GPC6: variants seen among roughly 807,000 people sequenced by gnomAD.
GPC6 encodes the protein glypican 6.
A neutral mutation model predicts 55.2 loss-of-function variants in GPC6; 14 were observed. The observed-to-expected ratio is 0.25, with a 90% CI of 0.17 to 0.40. The LOEUF is 0.40. Among genes scored for constraint, GPC6 ranks in the 10% least tolerant of loss-of-function variants. The pLI is 1.00. For synonymous variants in GPC6, 278 were observed against 259.6 expected, an observed-to-expected ratio of 1.07 and a Z score of -0.68; for missense variants, 641 against 708.5, an observed-to-expected ratio of 0.90 and a Z score of 1.08.
Position 94,403,318 on chromosome 13 carries a change from T to A in GPC6, c.*101T>A, listed in dbSNP as rs779326741. 6 of 854,168 alleles carry A rather than the reference T, an allele frequency of 7.0e-6. No individual in the cohort carries two copies. Among genetic ancestry groups the A allele is most frequent in the Non-Finnish European group, 1.2e-5 (6 of 521,272 alleles). 52.9% of individuals were successfully genotyped at this position (854,168 alleles called of 1,614,324 possible). On this transcript the variant is annotated 3_prime_UTR_variant, in exon 9 of 9. Coordinates refer to ENST00000377047, the MANE Select transcript of GPC6 (RefSeq NM_005708.5). ...GACAATGGACCATGCCACAAAAACT[T>A]ACCGTTTTCTATGAGAAGAGAGCAG...
chr13:93,447,307 A>G (rs1878043470), intron 1 of GPC6, among the ~76,000 whole-genome samples: 1 of 152,228 alleles, frequency 6.6e-6, no homozygotes, highest in African/African-American at 2.4e-5. Context: ...ACCAAATTAA[A>G]GCAAAAACAT....
intron 1 of GPC6, among the ~76,000 whole-genome samples, chr13:93,386,271 G>A (rs1875399340): frequency 6.6e-6 from 1 of 152,136 alleles, no homozygotes; most frequent in Non-Finnish European, 1.5e-5. Context: ...TTACTGCAGA[G>A]GCAGTGCTGT....
intron 3 of GPC6, among the ~76,000 whole-genome samples, chr13:93,905,060 T>G (rs1174209009): frequency 1.4e-5 from 2 of 145,050 alleles, no homozygotes; most frequent in Non-Finnish European, 3.0e-5. Flanking sequence ...TTATGTTAGC[T>G]TTTCTAAGCA....
intron 2 of GPC6, among the ~76,000 whole-genome samples, chr13:93,621,554 C>T (rs966187344): frequency 6.6e-6 from 1 of 152,098 alleles, no homozygotes; most frequent in African/African-American, 2.4e-5. Flanking sequence ...GACGGGGAAT[C>T]TGGATTACTA....
chr13:93,859,199 A>G (rs1888727515), intron 3 of GPC6, among the ~76,000 whole-genome samples: 1 of 151,652 alleles, frequency 6.6e-6, no homozygotes, highest in Non-Finnish European at 1.5e-5. Context: ...CTTAAACAGT[A>G]TCTATCTTTT....
At chr13:93,417,654 A>G (rs539289754) in intron 1 of GPC6, among the ~76,000 whole-genome samples, 1 of 152,242 alleles carries the variant, frequency 6.6e-6, no homozygotes, top group Non-Finnish European at 1.5e-5. Context: ...AAACAAAATC[A>G]AAGAGAGAAA....
chr13:94,276,013 G>C (rs1175632095), intron 4 of GPC6, among the ~76,000 whole-genome samples: 1 of 152,158 alleles, frequency 6.6e-6, no homozygotes, highest in African/African-American at 2.4e-5. Flanking sequence ...TTTATGAAGA[G>C]AATTTTTGCA....
intron 4 of GPC6, among the ~76,000 whole-genome samples, chr13:94,047,083 G>T (rs939448813): frequency 6.6e-6 from 1 of 152,060 alleles, no homozygotes; most frequent in African/African-American, 2.4e-5. Context: ...TAATCAGGAA[G>T]CCAAGTACTA....
intron 2 of GPC6, among the ~76,000 whole-genome samples, chr13:93,789,699 G>C (rs186840435): frequency 7.1e-5 from 10 of 141,786 alleles, no homozygotes; most frequent in Non-Finnish European, 1.5e-4. Context: ...TTCAGAGAAG[G>C]CTACATGGAA....
At chr13:93,397,056 T>G (rs1875884997) in intron 1 of GPC6, among the ~76,000 whole-genome samples, 1 of 152,222 alleles carries the variant, frequency 6.6e-6, no homozygotes, top group Non-Finnish European at 1.5e-5. Flanking sequence ...CTTTGACTAT[T>G]GTAAACTATA....
chr13:94,031,987 CCA>C (rs1462549224), intron 4 of GPC6, among the ~76,000 whole-genome samples: 1 of 152,070 alleles, frequency 6.6e-6, no homozygotes, highest in Non-Finnish European at 1.5e-5. Context: ...ACTATGAGAA[CCA>C]GAGAGAGATT....
intron 1 of GPC6, among the ~76,000 whole-genome samples, chr13:93,442,385 G>A (rs941126232): frequency 2.6e-5 from 4 of 152,046 alleles, no homozygotes; most frequent in African/African-American, 9.7e-5. Context: ...AGGAGAAAAG[G>A]GTCTGATTTA....
intron 4 of GPC6, among the ~76,000 whole-genome samples, chr13:94,245,782 A>G (rs575671298): frequency 8.2e-4 from 125 of 152,030 alleles, no homozygotes; most frequent in Non-Finnish European, 1.4e-3. Context: ...CCACTGATGG[A>G]CACCTAGTGT....
intron 1 of GPC6, among the ~76,000 whole-genome samples, chr13:93,428,860 A>G (rs1341809509): frequency 6.6e-6 from 1 of 152,180 alleles, no homozygotes; most frequent in Non-Finnish European, 1.5e-5. Flanking sequence ...TACAAAAACT[A>G]TTCACCCATT....
chr13:93,240,196 C>T (rs946194985), intron 1 of GPC6, among the ~76,000 whole-genome samples: 2 of 151,954 alleles, frequency 1.3e-5, no homozygotes, highest in Non-Finnish European at 2.9e-5. Flanking sequence ...TGACTTTCTG[C>T]CTCAATGATC....
chr13:94,215,068 A>G (rs1336099344), intron 4 of GPC6, among the ~76,000 whole-genome samples: 1 of 152,224 alleles, frequency 6.6e-6, no homozygotes, highest in Non-Finnish European at 1.5e-5. Flanking sequence ...ACTTGTCCAC[A>G]CGTACACACG....
intron 2 of GPC6, among the ~76,000 whole-genome samples, chr13:93,716,150 A>C (rs1347733944): frequency 2.0e-5 from 3 of 151,748 alleles, no homozygotes; most frequent in Non-Finnish European, 4.4e-5. Flanking sequence ...TATAGTACTT[A>C]GAATTATATA....
chr13:93,682,561 A>G (rs1451466336), intron 2 of GPC6, among the ~76,000 whole-genome samples: 1 of 152,130 alleles, frequency 6.6e-6, no homozygotes, highest in Non-Finnish European at 1.5e-5. Flanking sequence ...TCGCAGCTCC[A>G]TATGTCTATA....
chr13:93,830,089 G>T (rs1029472399), intron 2 of GPC6, 65 bp from the exon 3 acceptor site: 7 of 1,184,790 alleles, frequency 5.9e-6, no homozygotes, highest in Non-Finnish European at 8.6e-6. Context: ...TGTACTTAAG[G>T]TAAGTGGGTG....
Sources: allele counts gnomAD v4.1 joint callset (sites outside exome capture counted in the v4.1 genomes callset), GRCh38; gene constraint gnomAD v4.1.1; transcripts MANE v1.5; gene names NCBI Gene and HGNC (gene_info 2026-07-23, HGNC 2026-07-21).